The following PKLR variants were observed in gnomAD, a reference collection of about 807,000 sequenced individuals.
PKLR encodes pyruvate kinase PKLR.
PKLR carries 38 observed loss-of-function variants against 53.6 expected under a neutral mutation model. That is an observed-to-expected ratio of 0.71 (90% CI 0.55 to 0.93). The LOEUF (loss-of-function observed/expected upper bound fraction) is 0.93. Among genes scored for constraint, PKLR ranks in the 40% least tolerant of loss-of-function variants. The probability of loss-of-function intolerance (pLI) is 0.00; values close to 1 mark genes in which losing one functional copy is unlikely to be tolerated. For synonymous variants in PKLR, 328 were observed against 316.2 expected, an observed-to-expected ratio of 1.04 and a Z score of -0.39; for missense variants, 702 against 787.3, an observed-to-expected ratio of 0.89 and a Z score of 1.30.
intron 1 of PKLR, 92 bp downstream of exon 1, chr1:155,301,204 C>G: frequency 6.8e-7 from 1 of 1,473,978 alleles, no homozygotes. Context: ...TAGCCAGTGG[C>G]TGATGTGGAT....
chr1:155,305,487 C>T (rs1480255632), upstream of PKLR, among the ~76,000 whole-genome samples: 1 of 152,130 alleles, frequency 6.6e-6, no homozygotes, highest in South Asian at 2.1e-4. Context: ...GAGCATGGGG[C>T]CTCATCTTTC....
chr1:155,293,127 C>T lies in PKLR; in HGVS notation c.1436+50G>A, dbSNP rs751327134. 8.3e-6 allele frequency: 13 copies of T among 1,573,642 alleles called. No homozygotes were observed. In the Admixed American group the frequency reaches 2.0e-4, roughly 24 times the overall value. ...AACCCAAGCCTGGGGCCCGTCCCAGCCCACCCCTGACCCAAAGCTCCATCT... is the reference window on the plus strand; with the variant it reads ...AACCCAAGCCTGGGGCCCGTCCCAGTCCACCCCTGACCCAAAGCTCCATCT... On this transcript the variant is annotated intron_variant, in intron 9 of 10. Transcript: ENST00000342741. The surrounding 1 kb of genome is among the most constrained non-coding windows in gnomAD (Gnocchi z 4.2).
intron 2 of PKLR, among the ~76,000 whole-genome samples, chr1:155,297,652 C>T (rs749069426): frequency 3.9e-5 from 6 of 152,030 alleles, no homozygotes; most frequent in Non-Finnish European, 7.4e-5. Context: ...CTTGTCATTC[C>T]CCTGCTCAAA....
chr1:155,294,765 A>T lies in PKLR; in HGVS notation c.695-13T>A. On this transcript the variant is annotated splice_polypyrimidine_tract_variant and intron_variant, in intron 5 of 10. Coordinates refer to ENST00000342741, the MANE Select transcript of PKLR (RefSeq NM_000298.6). ...AGTCCCTCTGGGCCTGCGGACATGG[A>T]AAGAGCCAGCTGCGGTCAGGGGTGA... is the stretch of plus-strand genomic sequence containing the variant. 6.2e-7 allele frequency: 1 copy of T among 1,613,564 alleles called. No homozygotes were observed. The highest frequency in any genetic ancestry group is 8.5e-7 in the Non-Finnish European group (1 of 1,180,004).
At chr1:155,300,066 C>T (rs1386270932) in intron 2 of PKLR, 32 bp downstream of exon 2, 3 of 1,599,214 alleles carry the variant, frequency 1.9e-6, no homozygotes, top group Non-Finnish European at 2.6e-6. Flanking sequence ...CCAATAGGCC[C>T]TGTGTGGCTG....
Position 155,294,743 on chromosome 1 carries a change from C to A in PKLR, c.704G>T (p.Gly235Val), listed in dbSNP as rs892370971. The change falls in exon 6 of 11, where the codon GGA (glycine) becomes GTA (valine). Residue 235 changes from glycine to valine, a missense_variant. Physicochemically the swap from Gly to Val is moderately radical, Grantham distance 109 (BLOSUM62 -3). Transcript: ENST00000342741. Reference protein sequence around the residue: ...SLVVQKIGPEGLVTQVENGGV... With the variant: ...SLVVQKIGPEVLVTQVENGGV... ...GCCGTTCTCCACTTGGGTCACCAGT[C>A]CCTCTGGGCCTGCGGACATGGAAAG... 1.2e-6 allele frequency: 2 copies of A among 1,613,984 alleles called. No individual in the cohort carries two copies. Among genetic ancestry groups the A allele is most frequent in the Non-Finnish European group, 1.7e-6 (2 of 1,180,034 alleles).
chr1:155,298,992 T>C (rs1572061483), intron 2 of PKLR, among the ~76,000 whole-genome samples: 1 of 95,596 alleles, frequency 1.0e-5, no homozygotes, highest in Non-Finnish European at 1.9e-5. Flanking sequence ...CTTTCTTTCT[T>C]TCTTTCTTTC....
intron 2 of PKLR, among the ~76,000 whole-genome samples, chr1:155,298,414 C>T (rs773090780): frequency 8.0e-5 from 12 of 150,910 alleles, no homozygotes; most frequent in South Asian, 2.1e-4. Context: ...CCGCAACCTC[C>T]GCCTCCCAGG....
Position 155,294,835 on chromosome 1 carries a change from C to A in PKLR, c.695-83G>T, listed in dbSNP as rs544737167. 36 of 1,525,352 alleles carry A rather than the reference C, an allele frequency of 2.4e-5. No individual in the cohort carries two copies. The East Asian group carries it at 4.6e-4, about 19-fold the overall frequency. The allele number at this position is 1,525,352 out of a possible 1,614,324, so 94.5% of individuals were successfully genotyped here. On this transcript the variant is annotated intron_variant, in intron 5 of 10. Transcript: ENST00000342741. ...CAGAGAGGACACTGGGGCTTGGACC[C>A]GCAAGAGGTCAGGAACCATGTCCTC...
chr1:155,295,052 G>A lies in PKLR; in HGVS notation c.694+64C>T. Reference sequence around the variant, plus strand: ...GTGATCGGTCTGAGGGCTGATGGGGGAGCCAAGGAGAAGGGAATGTGCCCA... The same window carrying A: ...GTGATCGGTCTGAGGGCTGATGGGGAAGCCAAGGAGAAGGGAATGTGCCCA... On this transcript the variant is annotated intron_variant, in intron 5 of 10. Transcript: ENST00000342741. The surrounding 1 kb of genome is among the most constrained non-coding windows in gnomAD (Gnocchi z 4.3). The A allele has an allele frequency of 5.2e-6, 8 of 1,550,820 alleles. No homozygotes were observed. The highest frequency in any genetic ancestry group is 6.2e-6 in the Non-Finnish European group (7 of 1,131,170).
intron 6 of PKLR, 22 bp downstream of exon 6, chr1:155,294,458 AGG>A (rs1234628614): frequency 6.2e-7 from 1 of 1,614,134 alleles, no homozygotes; most frequent in Non-Finnish European, 8.5e-7. Flanking sequence ...ACAGGGCCGA[AGG>A]GGAACAGAGC....
Position 155,294,324 on chromosome 1 carries a change from C to CT in PKLR, c.1026_1027insA (p.Glu343ArgfsTer58). 6.2e-7 allele frequency: 1 copy of CT among 1,614,114 alleles called. No homozygotes were observed. Among genetic ancestry groups the CT allele is most frequent in the South Asian group, 1.1e-5 (1 of 91,076 alleles). ...AGGAAAACCTTCTCTGCTGGGATCT[C>CT]GATGCCTAGGTCCCCCCGTGCCACC... On this transcript the variant is annotated frameshift_variant, in exon 7 of 11. Coordinates refer to ENST00000342741, the MANE Select transcript of PKLR (RefSeq NM_000298.6). LOFTEE classifies it high-confidence loss of function.
chr1:155,295,101 G>C lies in PKLR; in HGVS notation c.694+15C>G, dbSNP rs1280760705. On this transcript the variant is annotated intron_variant, in intron 5 of 10. Transcript: ENST00000342741. This position sits in a 1 kb window ranked among gnomAD's most constrained non-coding sequence, Gnocchi z 4.3. ...CAGCGCACGGATGTGGTCAGGGCGG[G>C]AGGCGCGTCCGCACCGATTTTCTGG... is the stretch of plus-strand genomic sequence containing the variant. 9 of 1,613,350 alleles carry C rather than the reference G, an allele frequency of 5.6e-6. No individual in the cohort carries two copies. Among genetic ancestry groups the C allele is most frequent in the Non-Finnish European group, 6.8e-6 (8 of 1,179,648 alleles).
At chr1:155,307,005 C>A in the PKLR span, among the ~76,000 whole-genome samples, 1 of 152,164 alleles carries the variant, frequency 6.6e-6, no homozygotes, top group Non-Finnish European at 1.5e-5. Context: ...ACCTCTGCCT[C>A]CCGGGTTCAA....
chr1:155,292,904 A>G (rs1434637168), intron 9 of PKLR, among the ~76,000 whole-genome samples: 2 of 152,186 alleles, frequency 1.3e-5, no homozygotes, highest in African/African-American at 4.8e-5. Context: ...CAGTATTGGT[A>G]GGCTCTGTGG....
chr1:155,294,885 G>A (rs1186631395), intron 5 of PKLR, 133 bp from the exon 6 acceptor site: 5 of 1,260,858 alleles, frequency 4.0e-6, no homozygotes, highest in Non-Finnish European at 1.1e-6. Context: ...CTTGTTCTGG[G>A]CTTCGCCCGG....
rs1297583331 is a variant in PKLR, at chr1:155,295,400, C to T, written c.507+37G>A. 1.9e-6 allele frequency: 3 copies of T among 1,612,364 alleles called. No homozygotes were observed. Among genetic ancestry groups the T allele is most frequent in the African/African-American group, 1.3e-5 (1 of 75,008 alleles). On this transcript the variant is annotated intron_variant, in intron 4 of 10. Coordinates refer to ENST00000342741, the MANE Select transcript of PKLR (RefSeq NM_000298.6). The surrounding 1 kb of genome is among the most constrained non-coding windows in gnomAD (Gnocchi z 4.3). ...CCCAACCCTACAGGCGCCGCCTTTC[C>T]GGCCCTGGCCCAGCGAGTCCCAGCC...
intron 10 of PKLR, among the ~76,000 whole-genome samples, chr1:155,291,143 T>A (rs1674521624): frequency 6.6e-6 from 1 of 151,998 alleles, no homozygotes; most frequent in African/African-American, 2.4e-5. Context: ...CTGTAGGGAA[T>A]GAGGCAGTGA....
intron 1 of PKLR, chr1:155,300,921 T>G: frequency 3.1e-6 from 5 of 1,604,632 alleles, no homozygotes; most frequent in Non-Finnish European, 4.3e-6. Flanking sequence ...TCCCTCTCTG[T>G]GGGTCTGCTC....
Sources: allele counts gnomAD v4.1 joint callset (sites outside exome capture counted in the v4.1 genomes callset), GRCh38; gene constraint gnomAD v4.1.1; non-coding constraint Gnocchi (gnomAD v3.1); transcripts MANE v1.5; gene names NCBI Gene and HGNC (gene_info 2026-07-23, HGNC 2026-07-21).